TSGA10: variants seen among roughly 807,000 people sequenced by gnomAD.
TSGA10 encodes testis-specific gene 10 protein.
In TSGA10, 43 loss-of-function variants were observed where a neutral mutation model predicts 96.6. The ratio of observed to expected loss-of-function variants is 0.44; its 90% CI spans 0.35 to 0.57. The LOEUF is 0.57. Ranked by LOEUF, TSGA10 falls within the 20% of genes least tolerant of loss-of-function variation. The pLI is 0.01. For missense variants in TSGA10, 703 were observed against 834.4 expected, an observed-to-expected ratio of 0.84 and a Z score of 1.94; for synonymous variants, 229 against 269.9, an observed-to-expected ratio of 0.85 and a Z score of 1.48.
chr2:99,035,419 A>G lies in TSGA10; in HGVS notation c.1425T>C (p.Ser475=), dbSNP rs2081529506. 2 of 1,611,134 alleles carry G rather than the reference A, an allele frequency of 1.2e-6. No individual in the cohort carries two copies. Among genetic ancestry groups the G allele is most frequent in the African/African-American group, 2.7e-5 (2 of 74,852 alleles). Reference sequence around the variant, plus strand: ...GTAAGGTAGAAATCTGGGACTTGTAAGACCTTTCTGCATTTAAGTGCTGTA... The same window carrying G: ...GTAAGGTAGAAATCTGGGACTTGTAGGACCTTTCTGCATTTAAGTGCTGTA... ...EVEQHLNAER[S]YKSQISTLHK... Residue 475 remains serine (S), a synonymous_variant, in exon 17 of 21, where the codon TCT becomes TCC. Coordinates refer to ENST00000393483, the MANE Select transcript of TSGA10 (RefSeq NM_025244.4).
chr2:99,000,510 TA>T (rs71013451), intron 20 of TSGA10, among the ~76,000 whole-genome samples: 1,727 of 124,360 alleles, frequency 0.014, 5 homozygotes, highest in African/African-American at 0.015. Flanking sequence ...AACTCTGACT[TA>T]AAAAAAAAAA....
At chr2:99,118,175 G>T (rs2104918896) in intron 3 of TSGA10, among the ~76,000 whole-genome samples, 1 of 151,728 alleles carries the variant, frequency 6.6e-6, no homozygotes, top group Non-Finnish European at 1.5e-5. Context: ...TTTAGGCCAG[G>T]CATGGTGACT....
rs1213844001 is a variant in TSGA10, at chr2:99,109,263, C to T, written c.51+126G>A. The T allele has an allele frequency of 2.9e-6, 3 of 1,039,860 alleles. No individual in the cohort carries two copies. The East Asian group carries it at 7.5e-5, about 26-fold the overall frequency. 64.4% of individuals were successfully genotyped at this position (1,039,860 alleles called of 1,614,324 possible). ...TGCCATCAAAGAGACCTCTGTCTCT[C>T]AACCCCTTTGAAACAGCAATTCACA... is the stretch of plus-strand genomic sequence containing the variant. On this transcript the variant is annotated intron_variant, in intron 6 of 20. Transcript: ENST00000393483.
intron 10 of TSGA10, chr2:99,102,815 C>T: frequency 7.7e-7 from 1 of 1,294,938 alleles, no homozygotes; most frequent in South Asian, 1.2e-5. Context: ...ATACCCAGAA[C>T]TGTAAATATA....
At chr2:99,034,088 T>C (rs2081379850) in intron 17 of TSGA10, among the ~76,000 whole-genome samples, 1 of 152,146 alleles carries the variant, frequency 6.6e-6, no homozygotes. Flanking sequence ...GAATTGACTT[T>C]ATCCATGCTA....
intron 16 of TSGA10, among the ~76,000 whole-genome samples, chr2:99,058,516 T>C (rs1051220661): frequency 1.3e-5 from 2 of 151,820 alleles, no homozygotes; most frequent in Non-Finnish European, 2.9e-5. Context: ...AGTTCATTAA[T>C]AGAGAAAAAT....
At chr2:99,015,354 G>A (rs2079415780) in intron 20 of TSGA10, among the ~76,000 whole-genome samples, 1 of 152,154 alleles carries the variant, frequency 6.6e-6, no homozygotes, top group African/African-American at 2.4e-5. Context: ...GTCAAAAAAT[G>A]TGACAGATCA....
intron 20 of TSGA10, among the ~76,000 whole-genome samples, chr2:99,008,272 G>C (rs2078678646): frequency 6.6e-6 from 1 of 152,196 alleles, no homozygotes; most frequent in East Asian, 1.9e-4. Context: ...TGACAAAAAA[G>C]TGAGAAAATA....
chr2:99,061,970 G>A (rs1240100684), intron 16 of TSGA10, among the ~76,000 whole-genome samples: 5 of 152,190 alleles, frequency 3.3e-5, no homozygotes, highest in East Asian at 1.9e-4. Context: ...GCAGACATTT[G>A]CAGACCAAGG....
intron 14 of TSGA10, among the ~76,000 whole-genome samples, chr2:99,071,383 T>TAA (rs76060963): frequency 2.5e-4 from 38 of 150,172 alleles, no homozygotes; most frequent in African/African-American, 4.6e-4. Context: ...TCCATTTTTT[T>TAA]AAAAAAAAAA....
In TSGA10 at chr2:99,072,007, G is replaced by A. The variant is rs1001939004; in HGVS notation, c.939-133C>T. The A allele has an allele frequency of 4.8e-5, 35 of 728,480 alleles. No individual in the cohort carries two copies. In the African/African-American group the frequency reaches 4.9e-4, roughly 10 times the overall value. 45.1% of individuals were successfully genotyped at this position (728,480 alleles called of 1,614,324 possible). ...ATTTTAAACACGTTTGAATTTATAGGAATAAATACTGCAAAGACAGTGCAT... is the reference window on the plus strand; with the variant it reads ...ATTTTAAACACGTTTGAATTTATAGAAATAAATACTGCAAAGACAGTGCAT... On this transcript the variant is annotated intron_variant, in intron 13 of 20. Coordinates refer to ENST00000393483, the MANE Select transcript of TSGA10 (RefSeq NM_025244.4).
rs985855203 is a variant in TSGA10, at chr2:99,141,121, C to T, written c.-621+13572G>A. 1.3e-5 allele frequency: 17 copies of T among 1,284,118 alleles called. No individual in the cohort carries two copies. In the African/African-American group the frequency reaches 2.3e-4, roughly 17 times the overall value. 79.5% of individuals were successfully genotyped at this position (1,284,118 alleles called of 1,614,324 possible). ...TCCCTCCCCGGGCTCCTCGGCCCGC[C>T]GTCCTGCCCAGAGCTCATCCCCGCG... On this transcript the variant is annotated intron_variant, in intron 1 of 20. Coordinates refer to ENST00000393483, the MANE Select transcript of TSGA10 (RefSeq NM_025244.4).
intron 20 of TSGA10, among the ~76,000 whole-genome samples, chr2:99,007,344 T>G (rs2078590880): frequency 6.6e-6 from 1 of 152,040 alleles, no homozygotes; most frequent in South Asian, 2.1e-4. Context: ...CAATGACTCA[T>G]AAAGCAAAAC....
chr2:99,079,716 C>G (rs1265783126), intron 11 of TSGA10, among the ~76,000 whole-genome samples: 1 of 152,182 alleles, frequency 6.6e-6, no homozygotes, highest in Non-Finnish European at 1.5e-5. Context: ...TATTAGCTCT[C>G]AAGGTGATTC....
At chr2:99,102,019 C>G (rs2090813482) in intron 10 of TSGA10, 1 of 1,309,570 alleles carries the variant, frequency 7.6e-7, no homozygotes, top group South Asian at 1.2e-5. Flanking sequence ...ATTTTGTTAA[C>G]AGAATTAAAG....
intron 17 of TSGA10, among the ~76,000 whole-genome samples, chr2:99,022,350 A>C (rs1175866758): frequency 6.6e-6 from 1 of 150,660 alleles, no homozygotes; most frequent in Non-Finnish European, 1.5e-5. Context: ...AAAAAAAAAA[A>C]AACACCCAAC....
At chr2:99,062,500 T>C (rs770742445) in intron 16 of TSGA10, among the ~76,000 whole-genome samples, 22 of 151,784 alleles carry the variant, frequency 1.4e-4, no homozygotes, top group Middle Eastern at 3.4e-3. Context: ...CTTTGGGAGG[T>C]TGAGGTGGGA....
At chr2:99,130,891 A>C (rs574588072) in intron 1 of TSGA10, among the ~76,000 whole-genome samples, 1 of 152,236 alleles carries the variant, frequency 6.6e-6, no homozygotes, top group African/African-American at 2.4e-5. Context: ...TCCTTTCCCC[A>C]TTGCTTGTTT....
intron 10 of TSGA10, chr2:99,102,064 A>C: frequency 6.8e-7 from 1 of 1,476,572 alleles, no homozygotes; most frequent in Non-Finnish European, 9.5e-7. Context: ...GCTTTGGATC[A>C]GTTTGTAAAT....
Sources: gnomAD v4.1 joint callset for allele counts (sites outside exome capture counted in the v4.1 genomes callset) on GRCh38, gnomAD v4.1.1 for gene constraint, MANE v1.5 for transcripts, NCBI Gene and HGNC (gene_info 2026-07-23, HGNC 2026-07-21) for gene names.